AGBL4: variants seen among roughly 807,000 people sequenced by gnomAD.
The protein encoded by AGBL4 is cytosolic carboxypeptidase 6.
Under a neutral mutation model 66.4 loss-of-function variants are expected in AGBL4, and 58 were observed. That is an observed-to-expected ratio of 0.87 (90% CI 0.71 to 1.09). The LOEUF (loss-of-function observed/expected upper bound fraction) is 1.09. Ranked by LOEUF, AGBL4 falls within the 50% of genes least tolerant of loss-of-function variation. The pLI, the probability that AGBL4 is intolerant of heterozygous loss-of-function variation, is 0.00. For synonymous variants in AGBL4, 234 were observed against 222.9 expected (o/e 1.05, Z -0.44); for missense variants, 579 against 631.0 (o/e 0.92, Z 0.88).
intron 11 of AGBL4, among the ~76,000 whole-genome samples, chr1:48,568,146 G>A (rs1194309657): frequency 6.6e-6 from 1 of 152,196 alleles, no homozygotes; most frequent in African/African-American, 2.4e-5. Context: ...CAAGCATCCT[G>A]CAAATCTGAT....
rs765717829 is a variant in AGBL4 at position 48,817,026 on chromosome 1, G to A, written c.634+50165C>T. Among the ~76,000 whole-genome samples the A allele has an allele frequency of 1.3e-5, 2 of 152,270 alleles. 1 individual carries two copies. Among genetic ancestry groups the A allele is most frequent in the Middle Eastern group, 6.8e-3 (2 of 294 alleles). Reference sequence around the variant, plus strand: ...AGGGACCAACATGTGCAAAAGCCTGGAAATGAAATAGAAGTTAGTCCATTC... The same window carrying A: ...AGGGACCAACATGTGCAAAAGCCTGAAAATGAAATAGAAGTTAGTCCATTC... On this transcript the variant is annotated intron_variant, in intron 6 of 13. Coordinates refer to ENST00000371839, the MANE Select transcript of AGBL4 (RefSeq NM_032785.4).
intron 4 of AGBL4, among the ~76,000 whole-genome samples, chr1:49,097,475 T>A (rs1040272595): frequency 1.1e-4 from 16 of 152,164 alleles, no homozygotes; most frequent in African/African-American, 3.1e-4. Flanking sequence ...ATACTTAATT[T>A]AAAAAAACCA....
intron 5 of AGBL4, among the ~76,000 whole-genome samples, chr1:48,884,490 T>G (rs1267772326): frequency 6.6e-6 from 1 of 152,200 alleles, no homozygotes. Flanking sequence ...ATTCTTCTTA[T>G]GAAGAATTAC....
Position 48,761,304 on chromosome 1 carries a change from G to C in AGBL4, c.635-98063C>G, listed in dbSNP as rs1644244759. On this transcript the variant is annotated intron_variant, in intron 6 of 13. Coordinates refer to ENST00000371839, the MANE Select transcript of AGBL4 (RefSeq NM_032785.4). ...CTACGAGATATCTGAAAATGCTCCA[G>C]CATACCTCCAAAGAAAGGAAAGATT... 7.8e-6 allele frequency: 12 copies of C among 1,533,940 alleles called. No individual in the cohort carries two copies. In the East Asian group the frequency reaches 2.9e-4, roughly 38 times the overall value.
Position 49,716,037 on chromosome 1 carries a change from C to A in AGBL4, c.158-18600G>T, listed in dbSNP as rs532101690. 3.9e-5 allele frequency among the ~76,000 whole-genome samples: 6 copies of A among 152,214 alleles called. No homozygotes were observed. In the East Asian group the frequency reaches 1.2e-3, roughly 29 times the overall value. Reference sequence around the variant, plus strand: ...ATGAAGTCGTTGCCCATGCCTATCTCTTGAAAGGTATTGCCTAGGTTTTCT... The same window carrying A: ...ATGAAGTCGTTGCCCATGCCTATCTATTGAAAGGTATTGCCTAGGTTTTCT... On this transcript the variant is annotated intron_variant, in intron 2 of 13. Coordinates refer to ENST00000371839, the MANE Select transcript of AGBL4 (RefSeq NM_032785.4).
chr1:49,653,812 T>C (rs1166608793), intron 3 of AGBL4, among the ~76,000 whole-genome samples: 1 of 151,368 alleles, frequency 6.6e-6, no homozygotes, highest in Non-Finnish European at 1.5e-5. Flanking sequence ...CTCCGAGAAC[T>C]ATGGGATTAT....
At chr1:48,670,927 G>A (rs946169253) in intron 6 of AGBL4, among the ~76,000 whole-genome samples, 2 of 152,368 alleles carry the variant, frequency 1.3e-5, no homozygotes, top group Non-Finnish European at 1.5e-5. Flanking sequence ...GAAATAGGGT[G>A]GGGACAGACT....
intron 3 of AGBL4, among the ~76,000 whole-genome samples, chr1:49,361,397 C>T (rs1644131656): frequency 6.6e-6 from 1 of 152,110 alleles, no homozygotes. Flanking sequence ...CACGATCTGG[C>T]TCACTGCAAC....
intron 2 of AGBL4, among the ~76,000 whole-genome samples, chr1:49,701,447 G>A (rs1647092144): frequency 6.6e-6 from 1 of 151,978 alleles, no homozygotes; most frequent in Non-Finnish European, 1.5e-5. Flanking sequence ...CTGTGGTAAT[G>A]GTTTCACAGA....
chr1:48,582,225 G>A (rs1441927170), intron 11 of AGBL4, among the ~76,000 whole-genome samples: 1 of 149,240 alleles, frequency 6.7e-6, no homozygotes, highest in Non-Finnish European at 1.5e-5. Flanking sequence ...TATGTTCATG[G>A]AATCACTGAA....
chr1:48,771,428 A>G lies in AGBL4; in HGVS notation c.634+95763T>C, dbSNP rs150012685. 9.8e-5 allele frequency among the ~76,000 whole-genome samples: 15 copies of G among 152,348 alleles called. No individual in the cohort carries two copies. In the East Asian group the frequency reaches 2.9e-3, roughly 29 times the overall value. The stretch of plus-strand genomic sequence containing the variant: ...CTGGGACAATTTTTTATTTCTGCTT[A>G]TGAACCAGAACTCTGAAGCACTCTG... On this transcript the variant is annotated intron_variant, in intron 6 of 13. Transcript: ENST00000371839.
chr1:49,355,185 A>G (rs899413868), intron 3 of AGBL4, among the ~76,000 whole-genome samples: 1 of 152,214 alleles, frequency 6.6e-6, no homozygotes, highest in Non-Finnish European at 1.5e-5. Context: ...ACTCGATCCA[A>G]CTACTTAATT....
chr1:49,961,288 C>G (rs552950857), intron 1 of AGBL4, among the ~76,000 whole-genome samples: 9 of 152,158 alleles, frequency 5.9e-5, no homozygotes, highest in Admixed American at 1.3e-4. Flanking sequence ...GCAGGAAGAT[C>G]ACTTGAAGCC....
chr1:49,397,900 C>T (rs1490024138), intron 3 of AGBL4, among the ~76,000 whole-genome samples: 3 of 152,168 alleles, frequency 2.0e-5, no homozygotes, highest in Non-Finnish European at 4.4e-5. Context: ...GATTAGAAAG[C>T]TTTCTACTCT....
intron 2 of AGBL4, among the ~76,000 whole-genome samples, chr1:49,774,038 G>C (rs1644134405): frequency 6.6e-6 from 1 of 152,176 alleles, no homozygotes; most frequent in African/African-American, 2.4e-5. Context: ...CTCAAAGCAG[G>C]ACACACTCCA....
intron 3 of AGBL4, among the ~76,000 whole-genome samples, chr1:49,371,228 T>G (rs367949801): frequency 3.6e-4 from 53 of 147,084 alleles, no homozygotes; most frequent in African/African-American, 7.1e-4. Flanking sequence ...TAGATAGATA[T>G]ATAGATAGAT....
At chr1:49,742,694 C>T (rs1650618901) in intron 2 of AGBL4, among the ~76,000 whole-genome samples, 1 of 152,034 alleles carries the variant, frequency 6.6e-6, no homozygotes, top group Admixed American at 6.6e-5. Context: ...GTACTGGTAC[C>T]AAAACAGAGA....
At chr1:48,593,491 C>T (rs892547591) in intron 9 of AGBL4, among the ~76,000 whole-genome samples, 1 of 152,150 alleles carries the variant, frequency 6.6e-6, no homozygotes, top group South Asian at 2.1e-4. Flanking sequence ...GTGGCTCATG[C>T]CTGTAATCCC....
At chr1:49,887,893 G>A (rs1273951572) in intron 1 of AGBL4, among the ~76,000 whole-genome samples, 1 of 152,012 alleles carries the variant, frequency 6.6e-6, no homozygotes, top group Non-Finnish European at 1.5e-5. Flanking sequence ...GAGAAAAGAT[G>A]ATAAAAATAA....
Sources: gnomAD v4.1 joint callset for allele counts (sites outside exome capture counted in the v4.1 genomes callset) on GRCh38, gnomAD v4.1.1 for gene constraint, MANE v1.5 for transcripts, NCBI Gene and HGNC (gene_info 2026-07-23, HGNC 2026-07-21) for gene names.